ANO7: variants seen among roughly 807,000 people sequenced by gnomAD.
ANO7 encodes anoctamin-7.
Under a neutral mutation model 115.8 loss-of-function variants are expected in ANO7, and 114 were observed. The observed-to-expected ratio is 0.98, with a 90% CI of 0.85 to 1.15. ANO7 has a LOEUF of 1.15. Ranked by LOEUF, ANO7 falls within the 50% of genes most tolerant of loss-of-function variation. The pLI is 0.00. For missense variants in ANO7, 1,302 were observed against 1,201.2 expected, an observed-to-expected ratio of 1.08 and a Z score of -1.24; for synonymous variants, 550 against 498.2, an observed-to-expected ratio of 1.10 and a Z score of -1.38.
the ANO7 span, chr2:241,236,493 A>T: frequency 1.0e-6 from 1 of 967,492 alleles, no homozygotes; most frequent in Non-Finnish European, 1.6e-6. Context: ...TAGGAGCAAG[A>T]GGGCTACCTC....
At position 241,189,032 on chromosome 2, in the gene ANO7, G is replaced by A. The variant is rs11694282; in HGVS notation, c.-8+266G>A. ...CCATGGAGCAGGTCCCTTCGTTGGGGTGGGGGGCATCCCCATTCTTTCTGC... is the reference window on the plus strand; with the variant it reads ...CCATGGAGCAGGTCCCTTCGTTGGGATGGGGGGCATCCCCATTCTTTCTGC... On this transcript the variant is annotated intron_variant, in intron 1 of 24. Transcript: ENST00000674324. 0.35 allele frequency among the ~76,000 whole-genome samples: 53,116 copies of A among 152,142 alleles called. 10,663 individuals are homozygous for A. Among genetic ancestry groups the A allele is most frequent in the Middle Eastern group, 0.53 (157 of 294 alleles).
rs753532327 is a variant in ANO7 at position 241,188,687 on chromosome 2, G to A, written c.-87G>A. ...CACCCTCTGTCCCGCAGTGAGGACG[G>A]GACTCTACTGCCGAGACCAGGCTCA... On this transcript the variant is annotated 5_prime_UTR_variant, in exon 1 of 25. Coordinates refer to ENST00000674324, the MANE Select transcript of ANO7 (RefSeq NM_001370694.2). This position sits in a 1 kb window ranked among gnomAD's most constrained non-coding sequence, Gnocchi z 4.3. The A allele has an allele frequency of 1.9e-6, 3 of 1,613,548 alleles. No individual in the cohort carries two copies. Among genetic ancestry groups the A allele is most frequent in the Non-Finnish European group, 2.5e-6 (3 of 1,179,948 alleles).
rs755823718 is a variant in ANO7 at position 241,212,098 on chromosome 2, G to T, written c.1566G>T (p.Met522Ile). 5.1e-5 allele frequency: 83 copies of T among 1,613,794 alleles called. 1 individual carries two copies. In the South Asian group the frequency reaches 8.0e-4, roughly 16 times the overall value. Residue 522 changes from methionine (M) to isoleucine (I), a missense_variant, in exon 16 of 25, where the codon ATG becomes ATT. Transcript: ENST00000674324. ...SLAHVLTRWEMHRTQTKFEDA... is the reference protein window; with the variant it reads ...SLAHVLTRWEIHRTQTKFEDA... ...CCCAGGCTCTCCATGCCACAGAAAT[G>T]CACCGCACCCAGACCAAGTTCGAGG... is the stretch of plus-strand genomic sequence containing the variant.
chr2:241,212,339 G>A, intron 16 of ANO7, 134 bp downstream of exon 16: 1 of 981,856 alleles, frequency 1.0e-6, no homozygotes, highest in South Asian at 1.4e-5. Context: ...CCCAGGCAGG[G>A]GACAGGGGCC....
chr2:241,239,570 G>A, the ANO7 span: 15 of 1,582,056 alleles, frequency 9.5e-6, 1 homozygote, highest in South Asian at 1.2e-4. The surrounding 1 kb of genome is among the most constrained non-coding windows in gnomAD (Gnocchi z 4.6). Flanking sequence ...ACTGGGGGGT[G>A]AGAACCCCTC....
Position 241,203,795 on chromosome 2 carries a change from G to A in ANO7, c.889+297G>A, listed in dbSNP as rs1019874708. Among the ~76,000 whole-genome samples, 3 of 152,056 alleles carry A rather than the reference G, an allele frequency of 2.0e-5. No individual in the cohort carries two copies. Among genetic ancestry groups the A allele is most frequent in the Non-Finnish European group, 4.4e-5 (3 of 68,004 alleles). On this transcript the variant is annotated intron_variant, in intron 9 of 24. Transcript: ENST00000674324. The surrounding 1 kb of genome is among the most constrained non-coding windows in gnomAD (Gnocchi z 4.8). ...TCCCCGAATGTCACTGGCCCATGAGGCCCTGGGGCAACCCCAGGAACTTCC... is the reference window on the plus strand; with the variant it reads ...TCCCCGAATGTCACTGGCCCATGAGACCCTGGGGCAACCCCAGGAACTTCC...
In ANO7 at chr2:241,201,376, G is replaced by A. The variant is rs368692200; in HGVS notation, c.612+21G>A. The A allele has an allele frequency of 5.8e-5, 93 of 1,608,164 alleles. No individual in the cohort carries two copies. The East Asian group carries it at 9.6e-4, about 17-fold the overall frequency. ...AAATTGTGAGTGGGGGTTCCCTGCC[G>A]CGGGCCCCAAACCCTGACCTGGCTC... On this transcript the variant is annotated intron_variant, in intron 7 of 24. Coordinates refer to ENST00000674324, the MANE Select transcript of ANO7 (RefSeq NM_001370694.2).
intron 3 of ANO7, among the ~76,000 whole-genome samples, 186 bp from the exon 4 acceptor site, chr2:241,195,517 C>G (rs1249893454): frequency 2.6e-5 from 4 of 152,200 alleles, no homozygotes; most frequent in Non-Finnish European, 4.4e-5. Flanking sequence ...TGTCCTGGAA[C>G]CTGGAAGTGC....
At chr2:241,239,207 C>T in the ANO7 span, among the ~76,000 whole-genome samples, 4 of 152,210 alleles carry the variant, frequency 2.6e-5, no homozygotes, top group Admixed American at 6.5e-5. The surrounding 1 kb of genome is among the most constrained non-coding windows in gnomAD (Gnocchi z 4.6). Flanking sequence ...CATGGATTCA[C>T]GTGGATGCCC....
At chr2:241,191,660 C>T (rs1574753934) in intron 3 of ANO7, among the ~76,000 whole-genome samples, 3 of 152,260 alleles carry the variant, frequency 2.0e-5, no homozygotes, top group Middle Eastern at 6.8e-3. Context: ...GAGCTACCAC[C>T]GACTCCAGGG....
Position 241,216,289 on chromosome 2 carries a change from G to T in ANO7, c.1972+51G>T, listed in dbSNP as rs763667480. The T allele has an allele frequency of 2.7e-6, 4 of 1,504,532 alleles. No homozygotes were observed. The African/African-American group carries it at 5.6e-5, about 21-fold the overall frequency. The allele number at this position is 1,504,532 out of a possible 1,614,324, so 93.2% of individuals were successfully genotyped here. A position where few individuals can be genotyped will look rare whatever the true frequency, so the allele number is the denominator to read the frequency against. On this transcript the variant is annotated intron_variant, in intron 19 of 24. Transcript: ENST00000674324. ...AATGGCTGGCGCCGTGGGCAGGGAT[G>T]GGTGGCCACTCTGCTCAAGGGCCTC...
At chr2:241,234,646 G>C in the ANO7 span, among the ~76,000 whole-genome samples, 3 of 152,204 alleles carry the variant, frequency 2.0e-5, no homozygotes, top group Non-Finnish European at 2.9e-5. Flanking sequence ...CAGAGGCTGG[G>C]CGTCTGCAGC....
At chr2:241,235,001 C>G in the ANO7 span, 2 of 1,263,640 alleles carry the variant, frequency 1.6e-6, no homozygotes, top group Non-Finnish European at 2.2e-6. Flanking sequence ...CTGCCTGCAT[C>G]TCACCTCCAG....
intron 13 of ANO7, 53 bp downstream of exon 13, chr2:241,209,688 G>C: frequency 1.3e-6 from 2 of 1,493,920 alleles, no homozygotes; most frequent in Non-Finnish European, 1.8e-6. Flanking sequence ...GCACCATGTG[G>C]GGTGGTTTTG....
chr2:241,214,961 G>A, intron 18 of ANO7, 59 bp downstream of exon 18: 3 of 1,483,732 alleles, frequency 2.0e-6, no homozygotes, highest in Non-Finnish European at 2.8e-6. Flanking sequence ...CAGAGCACCT[G>A]GCAGTAGCAG....
At chr2:241,237,408 CAAT>C in the ANO7 span, among the ~76,000 whole-genome samples, 1 of 152,154 alleles carries the variant, frequency 6.6e-6, no homozygotes. Flanking sequence ...GACACCACAA[CAAT>C]AAGTGTCACA....
chr2:241,230,170 T>C, downstream of ANO7: 1 of 1,612,232 alleles, frequency 6.2e-7, no homozygotes, highest in Non-Finnish European at 8.5e-7. This position sits in a 1 kb window ranked among gnomAD's most constrained non-coding sequence, Gnocchi z 5.0. Context: ...TCCTCCAGAT[T>C]GAGGATGTGG....
At chr2:241,201,394 C>T (rs2068468806) in intron 7 of ANO7, 39 bp downstream of exon 7, 1 of 1,598,650 alleles carries the variant, frequency 6.3e-7, no homozygotes, top group Non-Finnish European at 8.5e-7. Context: ...CAAACCCTGA[C>T]CTGGCTCTGA....
intron 16 of ANO7, 119 bp from the exon 17 acceptor site, chr2:241,212,453 C>T (rs1244703145): frequency 8.5e-7 from 1 of 1,176,494 alleles, no homozygotes; most frequent in Non-Finnish European, 1.2e-6. Flanking sequence ...GACTCTACGC[C>T]ACAGTTCGTG....
Sources: gnomAD v4.1 joint callset for allele counts (sites outside exome capture counted in the v4.1 genomes callset) on GRCh38, gnomAD v4.1.1 for gene constraint, Gnocchi (gnomAD v3.1) non-coding constraint, MANE v1.5 for transcripts, NCBI Gene and HGNC (gene_info 2026-07-23, HGNC 2026-07-21) for gene names.